SORCS3: variants seen among roughly 807,000 people sequenced by gnomAD.
SORCS3 encodes sortilin related VPS10 domain containing receptor 3, also known as VPS10 domain-containing receptor SorCS3.
A neutral mutation model predicts 146.3 loss-of-function variants in SORCS3; 57 were observed. That is an observed-to-expected ratio of 0.39 (90% CI 0.31 to 0.49). SORCS3 has a LOEUF of 0.49. SORCS3 is among the 20% of genes least tolerant of loss of function. The pLI, the probability that SORCS3 is intolerant of heterozygous loss-of-function variation, is 0.92. For synonymous variants in SORCS3, 653 were observed against 618.5 expected (o/e 1.06, Z -0.83); for missense variants, 1,341 against 1,575.5 (o/e 0.85, Z 2.52).
chr10:105,165,439 T>C (rs1370789437), intron 12 of SORCS3, among the ~76,000 whole-genome samples: 2 of 152,068 alleles, frequency 1.3e-5, no homozygotes, highest in Admixed American at 6.6e-5. Context: ...TTGGATCCCT[T>C]AGTGAAGATT....
intron 3 of SORCS3, among the ~76,000 whole-genome samples, chr10:104,969,069 C>T (rs904162656): frequency 5.3e-5 from 8 of 152,128 alleles, no homozygotes; most frequent in Non-Finnish European, 7.4e-5. Context: ...AGATTTGGTA[C>T]GTGAATATAC....
At chr10:105,060,804 G>C (rs986662183) in intron 5 of SORCS3, among the ~76,000 whole-genome samples, 1 of 152,082 alleles carries the variant, frequency 6.6e-6, no homozygotes, top group Admixed American at 6.5e-5. Context: ...GGGCATGGTG[G>C]CACATGCCTA....
chr10:104,986,521 G>A (rs73351634), intron 4 of SORCS3, among the ~76,000 whole-genome samples: 8,136 of 152,224 alleles, frequency 0.053, 251 homozygotes, highest in Middle Eastern at 0.082. Flanking sequence ...TCACAATGTG[G>A]CTGTTTGGCG....
chr10:105,190,593 G>A (rs1001423691), intron 14 of SORCS3, among the ~76,000 whole-genome samples: 1 of 151,968 alleles, frequency 6.6e-6, no homozygotes, highest in Non-Finnish European at 1.5e-5. Flanking sequence ...GAGACGGGAC[G>A]GGGTTTCACC....
At chr10:104,724,524 C>T (rs1418196794) in intron 1 of SORCS3, among the ~76,000 whole-genome samples, 1 of 152,080 alleles carries the variant, frequency 6.6e-6, no homozygotes, top group Non-Finnish European at 1.5e-5. Flanking sequence ...TGTTGGCCTG[C>T]CTTACTAGAT....
chr10:105,158,653 C>T lies in SORCS3; in HGVS notation c.1630-239C>T, dbSNP rs545881330. 8.7e-4 allele frequency among the ~76,000 whole-genome samples: 132 copies of T among 151,052 alleles called. 2 individuals are homozygous for T. Among genetic ancestry groups the T allele is most frequent in the African/African-American group, 3.2e-3 (130 of 41,070 alleles). ...TGGGTGAGGAAGAGAGGGAAAGGCACGAGATTGTGGTTGGGGGGCAGAGGC... is the reference window on the plus strand; with the variant it reads ...TGGGTGAGGAAGAGAGGGAAAGGCATGAGATTGTGGTTGGGGGGCAGAGGC... On this transcript the variant is annotated intron_variant, in intron 10 of 26. Coordinates refer to ENST00000369701, the MANE Select transcript of SORCS3 (RefSeq NM_014978.3).
At chr10:105,023,299 C>T (rs115387923) in intron 4 of SORCS3, among the ~76,000 whole-genome samples, 4,491 of 152,258 alleles carry the variant, frequency 0.029, 218 homozygotes, top group African/African-American at 0.1. Context: ...AATAGAAGCA[C>T]ATATGCAGAT....
intron 1 of SORCS3, among the ~76,000 whole-genome samples, chr10:104,837,868 C>A: frequency 6.6e-6 from 1 of 152,180 alleles, no homozygotes; most frequent in East Asian, 1.9e-4. Context: ...CACATAAACA[C>A]TTACTGAGTA....
intron 1 of SORCS3, among the ~76,000 whole-genome samples, chr10:104,805,975 C>G: frequency 6.6e-6 from 1 of 152,288 alleles, no homozygotes. Flanking sequence ...TCTTACAGAT[C>G]ATCCTGGTCT....
intron 7 of SORCS3, among the ~76,000 whole-genome samples, chr10:105,117,147 G>A (rs1159898562): frequency 1.3e-5 from 2 of 151,996 alleles, no homozygotes; most frequent in Admixed American, 6.6e-5. Flanking sequence ...TAGTGGGATT[G>A]AGCCCTAATT....
intron 2 of SORCS3, among the ~76,000 whole-genome samples, chr10:104,857,918 G>T (rs1229183081): frequency 6.6e-6 from 1 of 152,080 alleles, no homozygotes; most frequent in Non-Finnish European, 1.5e-5. Context: ...CGGTCGGTAG[G>T]GGAGGACTGT....
chr10:105,192,867 A>G (rs2056524018), intron 14 of SORCS3, among the ~76,000 whole-genome samples: 1 of 152,324 alleles, frequency 6.6e-6, no homozygotes, highest in Middle Eastern at 3.4e-3. Context: ...CAAAAGAATC[A>G]AATGACTAGG....
chr10:105,089,655 G>A, intron 5 of SORCS3, 120 bp from the exon 6 acceptor site: 1 of 753,390 alleles, frequency 1.3e-6, no homozygotes. Flanking sequence ...TTCCCATACT[G>A]CAGGATGGTC....
intron 2 of SORCS3, among the ~76,000 whole-genome samples, chr10:104,845,042 C>A (rs933816208): frequency 6.6e-6 from 1 of 152,174 alleles, no homozygotes; most frequent in Non-Finnish European, 1.5e-5. Context: ...ATTCCTCCAA[C>A]GTACCAACCA....
chr10:104,921,499 CTCTCTGTG>C (rs1370246271), intron 3 of SORCS3, among the ~76,000 whole-genome samples: 3 of 129,762 alleles, frequency 2.3e-5, no homozygotes, highest in African/African-American at 1.2e-4. Flanking sequence ...CTCTCTCTCT[CTCTCTGTG>C]TGTGTGTGTG....
At chr10:104,769,865 C>T (rs2017227429) in intron 1 of SORCS3, among the ~76,000 whole-genome samples, 2 of 152,098 alleles carry the variant, frequency 1.3e-5, no homozygotes, top group African/African-American at 4.8e-5. Flanking sequence ...TTGGCTTAGT[C>T]TTATAAATTA....
chr10:104,888,209 C>T (rs763892823), intron 2 of SORCS3, among the ~76,000 whole-genome samples: 3 of 152,274 alleles, frequency 2.0e-5, no homozygotes, highest in East Asian at 1.9e-4. Context: ...CTCTTTTAAA[C>T]GATTTTACTC....
chr10:105,045,464 T>G (rs547478862), intron 5 of SORCS3, among the ~76,000 whole-genome samples: 2 of 152,172 alleles, frequency 1.3e-5, no homozygotes, highest in Non-Finnish European at 2.9e-5. Flanking sequence ...TGATATATAA[T>G]TACCGCGATT....
intron 7 of SORCS3, among the ~76,000 whole-genome samples, chr10:105,132,480 G>T (rs899821729): frequency 6.6e-6 from 1 of 152,094 alleles, no homozygotes; most frequent in East Asian, 1.9e-4. Flanking sequence ...ACAGAAATAG[G>T]CTCAACTTCT....
Sources: allele counts gnomAD v4.1 joint callset (sites outside exome capture counted in the v4.1 genomes callset), GRCh38; gene constraint gnomAD v4.1.1; transcripts MANE v1.5; gene names NCBI Gene and HGNC (gene_info 2026-07-23, HGNC 2026-07-21).